The following PKP3 variants were observed in gnomAD, a reference collection of about 807,000 sequenced individuals.
The protein encoded by PKP3 is plakophilin-3.
PKP3 carries 66 observed loss-of-function variants against 76.5 expected under a neutral mutation model. That is an observed-to-expected ratio of 0.86 (90% confidence interval 0.71 to 1.06). The LOEUF (loss-of-function observed/expected upper bound fraction) is 1.06. PKP3 is among the 50% of genes least tolerant of loss of function. PKP3 has a pLI of 0.00. For missense variants in PKP3, 1,338 were observed against 1,141.0 expected, an observed-to-expected ratio of 1.17 and a Z score of -2.49; for synonymous variants, 638 against 516.5, an observed-to-expected ratio of 1.24 and a Z score of -3.19.
In PKP3 at chr11:404,456, C is replaced by A; in HGVS notation, c.2359-78C>A. The A allele has an allele frequency of 6.5e-7, 1 of 1,533,016 alleles. No homozygotes were observed. The highest frequency in any genetic ancestry group is 9.0e-7 in the Non-Finnish European group (1 of 1,107,378). The allele number at this position is 1,533,016 out of a possible 1,614,324, so 95.0% of individuals were successfully genotyped here. The stretch of plus-strand genomic sequence containing the variant: ...GAGGAAGGGTCCGGGCCACACCCAG[C>A]ACACTGCAGGAGGGACAGCGGGCAG... On this transcript the variant is annotated intron_variant, in intron 12 of 12. Transcript: ENST00000331563. The surrounding 1 kb of genome is among the most constrained non-coding windows in gnomAD (Gnocchi z 4.2).
At position 397,356 on chromosome 11, in the gene PKP3, C is replaced by A. The variant is rs1488935049; in HGVS notation, c.855C>A (p.Ser285Arg). 1 of 1,597,620 alleles carries A rather than the reference C, an allele frequency of 6.3e-7. No individual in the cohort carries two copies. Among genetic ancestry groups the A allele is most frequent in the Middle Eastern group, 1.7e-4 (1 of 6,032 alleles). The change falls in exon 3 of 13, where the codon AGC (serine) becomes AGA (arginine). Residue 285 changes from serine to arginine, a missense_variant. By Grantham distance (110) the Ser-to-Arg change is moderately radical. Transcript: ENST00000331563. ...GAGCGCCATCTGTGCGCAGCCTCAG[C>A]CTCAGCCTGGCTGACTCGGGCCACC... ...VARAPSVRSL[S>R]LSLADSGHLP... is the part of the protein sequence containing the mutation.
chr11:403,376 C>A, intron 9 of PKP3, 113 bp downstream of exon 9: 2 of 994,702 alleles, frequency 2.0e-6, no homozygotes, highest in Non-Finnish European at 2.9e-6. Flanking sequence ...TCCGCGGAGC[C>A]TCGGAGGTCA....
rs1304097513 is a variant in PKP3 at position 403,708 on chromosome 11, C to G, written c.2014C>G (p.Leu672Val). 2 of 1,610,186 alleles carry G rather than the reference C, an allele frequency of 1.2e-6. No individual in the cohort carries two copies. Among genetic ancestry groups the G allele is most frequent in the African/African-American group, 2.7e-5 (2 of 74,910 alleles). ...DRVRTADHHQ[L>V]RSLTGLIRNL... The stretch of plus-strand genomic sequence containing the variant: ...TGTCAGGACCGCCGACCACCACCAG[C>G]TGCGCTCACTGACTGGCCTCATCCG... Residue 672 changes from leucine to valine, a missense_variant, in exon 10 of 13, where the codon CTG (leucine) becomes GTG (valine). Transcript: ENST00000331563.
chr11:404,871 T>G lies in PKP3; in HGVS notation c.*302T>G. 1 of 446,620 alleles carries G rather than the reference T, an allele frequency of 2.2e-6. No homozygotes were observed. The highest frequency in any genetic ancestry group is 4.2e-5 in the East Asian group (1 of 23,698). The allele number at this position is 446,620 out of a possible 1,614,324, so 27.7% of individuals were successfully genotyped here. A position where few individuals can be genotyped will look rare whatever the true frequency, so the allele number is the denominator to read the frequency against. ...GCTGTGGCCTGGCAGTATCTTGGGA[T>G]AGCCAGCACTGGGAATAAAGATGGC... On this transcript the variant is annotated 3_prime_UTR_variant, in exon 13 of 13. Coordinates refer to ENST00000331563, the MANE Select transcript of PKP3 (RefSeq NM_007183.4). The surrounding 1 kb of genome is among the most constrained non-coding windows in gnomAD (Gnocchi z 4.2).
At chr11:399,816 G>A (rs1434609150) in intron 5 of PKP3, 151 bp from the exon 6 acceptor site, 5 of 637,538 alleles carry the variant, frequency 7.8e-6, no homozygotes, top group Non-Finnish European at 1.1e-5. Flanking sequence ...CACCTCAAAT[G>A]CCACCCCAGG....
intron 4 of PKP3, 129 bp from the exon 5 acceptor site, chr11:398,863 C>G (rs548458276): frequency 2.1e-4 from 156 of 735,378 alleles, no homozygotes; most frequent in Middle Eastern, 4.0e-4. Flanking sequence ...GCACACACCT[C>G]CGTCACCTCC....
chr11:398,932 G>A, intron 4 of PKP3, 60 bp from the exon 5 acceptor site: 12 of 1,273,056 alleles, frequency 9.4e-6, no homozygotes, highest in Non-Finnish European at 1.3e-5. Context: ...GCTGCACACA[G>A]GTGCATAGTC....
At chr11:400,271 T>A in intron 6 of PKP3, 63 bp from the exon 7 acceptor site, 1 of 1,436,608 alleles carries the variant, frequency 7.0e-7, no homozygotes, top group South Asian at 1.3e-5. Flanking sequence ...GGGCCCACGA[T>A]GGGTTGGGGC....
At position 404,556 on chromosome 11, in the gene PKP3, T is replaced by G. The variant is rs754308947; in HGVS notation, c.2381T>G (p.Phe794Cys). 1.2e-6 allele frequency: 2 copies of G among 1,612,564 alleles called. No individual in the cohort carries two copies. Among genetic ancestry groups the G allele is most frequent in the Non-Finnish European group, 8.5e-7 (1 of 1,179,808 alleles). Residue 794 changes from phenylalanine to cysteine, a missense_variant, in exon 13 of 13, where the codon TTC becomes TGC. By Grantham distance (205) the Phe-to-Cys change is radical. Coordinates refer to ENST00000331563, the MANE Select transcript of PKP3 (RefSeq NM_007183.4). This position sits in a 1 kb window ranked among gnomAD's most constrained non-coding sequence, Gnocchi z 4.2. The stretch of plus-strand genomic sequence containing the variant: ...TAGAAGGGCTATCGGAAGGAGGACT[T>G]CCTGGGCCCATAGGTGAAGCCTTCT... ...FRAKGYRKED[F>C]LGP
At chr11:395,397 G>A (rs966714204) in intron 1 of PKP3, among the ~76,000 whole-genome samples, 3 of 152,220 alleles carry the variant, frequency 2.0e-5, no homozygotes, top group Non-Finnish European at 2.9e-5. Flanking sequence ...GTCGCCCAGC[G>A]GAGGGGCCGG....
chr11:400,793 C>G (rs1392381887), intron 8 of PKP3, 88 bp downstream of exon 8: 2 of 644,876 alleles, frequency 3.1e-6, no homozygotes, highest in East Asian at 5.2e-5. Flanking sequence ...CCCCGCTCAC[C>G]CCCGCCCCGC....
At position 399,981 on chromosome 11, in the gene PKP3, C is replaced by T. The variant is rs772385316; in HGVS notation, c.1288C>T (p.Leu430Phe). ...CCGTCCTCCAGGGATCCTGTGGAAC[C>T]TTTCATCCAGCGACCACCTGAAGGA... is the stretch of plus-strand genomic sequence containing the variant. ...RKNVTGILWNLSSSDHLKDRL... is the reference protein window; with the variant it reads ...RKNVTGILWNFSSSDHLKDRL... Residue 430 changes from leucine to phenylalanine, a missense_variant, in exon 6 of 13, where the codon CTT becomes TTT. Transcript: ENST00000331563. The T allele has an allele frequency of 6.2e-7, 1 of 1,603,538 alleles. No homozygotes were observed. The highest frequency in any genetic ancestry group is 8.5e-7 in the Non-Finnish European group (1 of 1,176,606).
chr11:404,697 T>C lies in PKP3; in HGVS notation c.*128T>C. ...GAGGGGCCCCTCGCTGGGGCCCCTGTGTGCATCTTTGAGGGTCCTGGGCCA... is the reference window on the plus strand; with the variant it reads ...GAGGGGCCCCTCGCTGGGGCCCCTGCGTGCATCTTTGAGGGTCCTGGGCCA... On this transcript the variant is annotated 3_prime_UTR_variant, in exon 13 of 13. Transcript: ENST00000331563. This position sits in a 1 kb window ranked among gnomAD's most constrained non-coding sequence, Gnocchi z 4.2. 2 of 819,254 alleles carry C rather than the reference T, an allele frequency of 2.4e-6. No individual in the cohort carries two copies. The highest frequency in any genetic ancestry group is 4.0e-6 in the Non-Finnish European group (2 of 503,018). 50.7% of individuals were successfully genotyped at this position (819,254 alleles called of 1,614,324 possible).
intron 9 of PKP3, 148 bp from the exon 10 acceptor site, chr11:403,470 G>C (rs546799623): frequency 2.4e-6 from 2 of 850,154 alleles, no homozygotes; most frequent in Admixed American, 2.7e-5. Context: ...TCCGGGCTGC[G>C]GCTGATTCCC....
At chr11:398,809 C>T (rs1847097475) in intron 4 of PKP3, among the ~76,000 whole-genome samples, 183 bp from the exon 5 acceptor site, 1 of 148,170 alleles carries the variant, frequency 6.7e-6, no homozygotes, top group South Asian at 2.2e-4. Context: ...ACACCTGCGT[C>T]ACCTCCGTAC....
In PKP3 at chr11:400,062, T is replaced by C. The variant is rs1397142506; in HGVS notation, c.1369T>C (p.Ser457Pro). 1.9e-6 allele frequency: 3 copies of C among 1,603,136 alleles called. No individual in the cohort carries two copies. The highest frequency in any genetic ancestry group is 2.2e-4 in the Middle Eastern group (1 of 4,510). Residue 457 changes from serine to proline, a missense_variant, in exon 6 of 13, where the codon TCG becomes CCG. By Grantham distance (74) the Ser-to-Pro change is moderately conservative. Transcript: ENST00000331563. ...QLTDLVLSPL[S>P]GAGGPPLIQQ... ...CACAGACCTGGTGTTGAGCCCCCTGTCGGGGGCTGGGGGTCCCCCCCTCAT... is the reference window on the plus strand; with the variant it reads ...CACAGACCTGGTGTTGAGCCCCCTGCCGGGGGCTGGGGGTCCCCCCCTCAT...
chr11:396,934 G>C lies in PKP3; in HGVS notation c.433G>C (p.Ala145Pro), dbSNP rs1355714149. The change falls in exon 3 of 13, where the codon GCC becomes CCC. Residue 145 changes from alanine to proline, a missense_variant. By Grantham distance (27) the Ala-to-Pro change is conservative (BLOSUM62 -1). Coordinates refer to ENST00000331563, the MANE Select transcript of PKP3 (RefSeq NM_007183.4). ...SAHNGGSAFG[A>P]AGYGGAQPTP... ...CCACAACGGGGGCAGCGCCTTTGGG[G>C]CCGCTGGGTACGGGGGTGCCCAGCC... The C allele has an allele frequency of 6.3e-7, 1 of 1,595,872 alleles. No homozygotes were observed. Among genetic ancestry groups the C allele is most frequent in the Non-Finnish European group, 8.5e-7 (1 of 1,175,520 alleles).
intron 6 of PKP3, 91 bp from the exon 7 acceptor site, chr11:400,243 C>A: frequency 7.1e-7 from 1 of 1,417,184 alleles, no homozygotes. Context: ...ACGCCTCGCG[C>A]TGGGGATGGG....
upstream of PKP3, chr11:394,109 C>A (rs1179200796): frequency 5.4e-6 from 5 of 930,824 alleles, no homozygotes; most frequent in African/African-American, 1.8e-5. Flanking sequence ...CGGCCCCTCC[C>A]TCCCACCTGG....
Sources: allele counts gnomAD v4.1 joint callset (sites outside exome capture counted in the v4.1 genomes callset), GRCh38; gene constraint gnomAD v4.1.1; non-coding constraint Gnocchi (gnomAD v3.1); transcripts MANE v1.5; gene names NCBI Gene and HGNC (gene_info 2026-07-23, HGNC 2026-07-21).